NEGR1: variants seen among roughly 807,000 people sequenced by gnomAD.
NEGR1 encodes IgLON family member 4.
NEGR1 carries 10 observed loss-of-function variants against 40.9 expected under a neutral mutation model. The ratio of observed to expected loss-of-function variants is 0.24; its 90% confidence interval spans 0.15 to 0.42. NEGR1 has a LOEUF of 0.42. NEGR1 is among the 10% of genes least tolerant of loss of function. The probability of loss-of-function intolerance (pLI) is 1.00; values close to 1 mark genes in which losing one functional copy is unlikely to be tolerated. For missense variants in NEGR1, 352 were observed against 438.9 expected, an observed-to-expected ratio of 0.80 and a Z score of 1.77; for synonymous variants, 185 against 166.8, an observed-to-expected ratio of 1.11 and a Z score of -0.84.
At position 71,744,284 on chromosome 1, in the gene NEGR1, C is replaced by CATATATATATATATATAT. The variant is rs147978120; in HGVS notation, c.535+31870_535+31887dup. On this transcript the variant is annotated intron_variant, in intron 3 of 6. Coordinates refer to ENST00000357731, the MANE Select transcript of NEGR1 (RefSeq NM_173808.3). ...ATAATAATATGTTTATGACAAATAA[C>CATATATATATATATATAT]ATATATATATATATATATAAAGTGC... Among the ~76,000 whole-genome samples, 1,002 of 137,036 alleles carry CATATATATATATATATAT rather than the reference C, an allele frequency of 7.3e-3. 3 individuals carry two copies. Among genetic ancestry groups the CATATATATATATATATAT allele is most frequent in the African/African-American group, 0.011 (385 of 36,200 alleles). 89.9% of individuals were successfully genotyped at this position (137,036 alleles called of 152,430 possible).
intron 1 of NEGR1, among the ~76,000 whole-genome samples, chr1:72,142,756 TG>T (rs1288503432): frequency 3.3e-5 from 5 of 151,706 alleles, no homozygotes; most frequent in Admixed American, 6.6e-5. Flanking sequence ...TTTGTTTTTT[TG>T]TTTGTTTGTT....
At chr1:71,743,113 G>A (rs1034725455) in intron 3 of NEGR1, among the ~76,000 whole-genome samples, 1 of 152,110 alleles carries the variant, frequency 6.6e-6, no homozygotes, top group Non-Finnish European at 1.5e-5. Context: ...ACTTGATCTT[G>A]GACTTTCCAG....
Position 72,157,500 on chromosome 1 carries a change from C to T in NEGR1, c.176+124819G>A, listed in dbSNP as rs575967911. On this transcript the variant is annotated intron_variant, in intron 1 of 6. Transcript: ENST00000357731. ...AACTCTCACATATATTTCTTATAGA[C>T]AGATATGTATGTAAGACTGGGAGTT... Among the ~76,000 whole-genome samples, 54 of 152,222 alleles carry T rather than the reference C, an allele frequency of 3.5e-4. 1 individual carries two copies. Among genetic ancestry groups the T allele is most frequent in the African/African-American group, 1.3e-3 (53 of 41,542 alleles).
chr1:71,587,325 T>C (rs1328288168), intron 6 of NEGR1, among the ~76,000 whole-genome samples: 2 of 152,148 alleles, frequency 1.3e-5, no homozygotes, highest in Non-Finnish European at 2.9e-5. Context: ...GAAAAACAGT[T>C]ACATTACTCT....
chr1:71,917,513 G>C (rs1661617737), intron 2 of NEGR1, among the ~76,000 whole-genome samples: 1 of 152,042 alleles, frequency 6.6e-6, no homozygotes, highest in African/African-American at 2.4e-5. Flanking sequence ...TAAGTCGGAC[G>C]GGTGCGGTGG....
intron 2 of NEGR1, among the ~76,000 whole-genome samples, chr1:71,808,779 T>C (rs953374184): frequency 6.6e-6 from 1 of 152,112 alleles, no homozygotes; most frequent in African/African-American, 2.4e-5. Flanking sequence ...TTTTTCACAG[T>C]GGTAGACACC....
chr1:71,454,061 A>G (rs1326864034), intron 6 of NEGR1, among the ~76,000 whole-genome samples: 1 of 152,118 alleles, frequency 6.6e-6, no homozygotes, highest in Non-Finnish European at 1.5e-5. Context: ...TCACTTTCTT[A>G]TTTTTGAACT....
intron 1 of NEGR1, among the ~76,000 whole-genome samples, chr1:71,944,983 T>C (rs552215483): frequency 6.6e-6 from 1 of 152,268 alleles, no homozygotes; most frequent in East Asian, 1.9e-4. Context: ...AGAAAAAAAT[T>C]AATGTTTTTT....
intron 1 of NEGR1, among the ~76,000 whole-genome samples, chr1:72,188,287 G>C (rs964294452): frequency 6.6e-6 from 1 of 151,246 alleles, no homozygotes; most frequent in Non-Finnish European, 1.5e-5. Context: ...AGAAGGTTGG[G>C]ATTTTACCTA....
chr1:72,045,867 C>T (rs371273871), intron 1 of NEGR1, among the ~76,000 whole-genome samples: 8 of 151,580 alleles, frequency 5.3e-5, no homozygotes, highest in Non-Finnish European at 8.9e-5. Flanking sequence ...ACAGAAATTT[C>T]GAAAGAATAT....
At chr1:71,554,015 A>C (rs1052887896) in intron 6 of NEGR1, among the ~76,000 whole-genome samples, 2 of 151,652 alleles carry the variant, frequency 1.3e-5, no homozygotes, top group East Asian at 3.9e-4. Context: ...CTAAGTCAGC[A>C]TCCTAAATGA....
chr1:72,026,878 C>A (rs1646814991), intron 1 of NEGR1, among the ~76,000 whole-genome samples: 1 of 152,084 alleles, frequency 6.6e-6, no homozygotes, highest in Admixed American at 6.5e-5. Context: ...CAAATGTCCT[C>A]ACTCCAAAGA....
chr1:71,924,039 G>T (rs1047960914), intron 2 of NEGR1, among the ~76,000 whole-genome samples: 1 of 151,882 alleles, frequency 6.6e-6, no homozygotes, highest in Non-Finnish European at 1.5e-5. Context: ...CTCCAAAGTA[G>T]CTGGGACCAC....
intron 4 of NEGR1, among the ~76,000 whole-genome samples, chr1:71,649,433 G>T (rs1296712999): frequency 2.0e-5 from 3 of 151,982 alleles, no homozygotes; most frequent in South Asian, 4.1e-4. Flanking sequence ...TAACTAAATT[G>T]GAAACAAGCT....
intron 1 of NEGR1, among the ~76,000 whole-genome samples, chr1:71,998,532 G>A (rs1646525785): frequency 6.6e-6 from 1 of 151,576 alleles, no homozygotes; most frequent in African/African-American, 2.4e-5. Context: ...GATACCTCAT[G>A]CACCTTTAAG....
chr1:71,791,498 A>G (rs1657117000), intron 2 of NEGR1, among the ~76,000 whole-genome samples: 2 of 152,092 alleles, frequency 1.3e-5, no homozygotes, highest in Admixed American at 1.3e-4. Flanking sequence ...CTTTTTTAAA[A>G]AAATATTTAT....
chr1:72,054,843 A>G (rs1647096127), intron 1 of NEGR1, among the ~76,000 whole-genome samples: 1 of 151,146 alleles, frequency 6.6e-6, no homozygotes, highest in South Asian at 2.1e-4. Flanking sequence ...CTGCATTAGT[A>G]GTCTGTGATT....
chr1:71,448,842 G>A (rs1190738514), intron 6 of NEGR1, among the ~76,000 whole-genome samples: 2 of 152,112 alleles, frequency 1.3e-5, no homozygotes, highest in Non-Finnish European at 2.9e-5. Context: ...AGAGCTTTCT[G>A]GAATCTTTGA....
chr1:71,763,917 G>T (rs1446627234), intron 3 of NEGR1, among the ~76,000 whole-genome samples: 1 of 151,896 alleles, frequency 6.6e-6, no homozygotes, highest in African/African-American at 2.4e-5. Context: ...AGACAAAGAG[G>T]AGCATTCATT....
Sources: allele counts gnomAD v4.1 joint callset (sites outside exome capture counted in the v4.1 genomes callset), GRCh38; gene constraint gnomAD v4.1.1; transcripts MANE v1.5; gene names NCBI Gene and HGNC (gene_info 2026-07-23, HGNC 2026-07-21).